Variants in PRSS3 observed in about 807,000 individuals in gnomAD.
The protein encoded by PRSS3 is trypsin-3.
Under a neutral mutation model 20.8 loss-of-function variants are expected in PRSS3, and 14 were observed. The observed-to-expected ratio is 0.67, with a 90% CI of 0.44 to 1.05. The LOEUF (loss-of-function observed/expected upper bound fraction) is 1.05. PRSS3 is among the 50% of genes least tolerant of loss of function. The pLI, the probability that PRSS3 is intolerant of heterozygous loss-of-function variation, is 0.00. For missense variants in PRSS3, 237 were observed against 306.4 expected, an observed-to-expected ratio of 0.77 and a Z score of 1.69; for synonymous variants, 91 against 117.6, an observed-to-expected ratio of 0.77 and a Z score of 1.46.
In PRSS3 at chr9:33,798,640, C is replaced by T; in HGVS notation, c.591+18C>T. ...CCTGCCAGGTGATTTGACCCTTTCC[C>T]ATGCTGAGGCTCCCACCGATACCCA... On this transcript the variant is annotated intron_variant, in intron 4 of 4. Transcript: ENST00000379405. The T allele has an allele frequency of 6.2e-7, 1 of 1,613,174 alleles. No individual in the cohort carries two copies. The highest frequency in any genetic ancestry group is 8.5e-7 in the Non-Finnish European group (1 of 1,179,746).
At chr9:33,794,650 A>G (rs1321050861), upstream of PRSS3, 18 of 1,403,088 alleles carry the variant, frequency 1.3e-5, no homozygotes, top group Non-Finnish European at 1.5e-5. Context: ...CAGATTTACC[A>G]TGGTCCAAAC....
At chr9:33,790,184 T>C (rs1362247527) in intron 1 of PRSS3, among the ~76,000 whole-genome samples, 5 of 152,230 alleles carry the variant, frequency 3.3e-5, no homozygotes, top group Admixed American at 3.3e-4. Flanking sequence ...TGTGGTATTA[T>C]AAAATATGCA....
intron 4 of PRSS3, 191 bp from the exon 5 acceptor site, chr9:33,798,837 C>G: frequency 2.9e-6 from 3 of 1,043,150 alleles, no homozygotes; most frequent in Admixed American, 2.4e-5. Flanking sequence ...TGCAGTGCCC[C>G]CATTGGGAAA....
At chr9:33,795,660 CA>C in intron 1 of PRSS3, 47 bp downstream of exon 1, 1 of 1,598,332 alleles carries the variant, frequency 6.3e-7, no homozygotes, top group Non-Finnish European at 8.6e-7. Context: ...CCTTTCCTGG[CA>C]GACACATGCC....
intron 2 of PRSS3, 123 bp downstream of exon 2, chr9:33,796,925 G>C: frequency 6.7e-7 from 1 of 1,500,276 alleles, no homozygotes; most frequent in South Asian, 1.2e-5. Flanking sequence ...AAGAAAACTT[G>C]TTGACAGCAG....
chr9:33,774,503 T>A (rs1158862438), intron 1 of PRSS3, among the ~76,000 whole-genome samples: 1 of 152,156 alleles, frequency 6.6e-6, no homozygotes, highest in East Asian at 1.9e-4. Context: ...GCACTGCTTT[T>A]GAGAAAAATG....
intron 1 of PRSS3, among the ~76,000 whole-genome samples, chr9:33,789,794 C>A (rs1489265138): frequency 6.6e-6 from 1 of 152,182 alleles, no homozygotes; most frequent in Non-Finnish European, 1.5e-5. Flanking sequence ...TCTTTAAAAG[C>A]AGTAAAGCAC....
At chr9:33,754,142 G>A (rs1189236075) in intron 1 of PRSS3, among the ~76,000 whole-genome samples, 1 of 151,482 alleles carries the variant, frequency 6.6e-6, no homozygotes, top group Non-Finnish European at 1.5e-5. Flanking sequence ...CACAATCTCA[G>A]CTCACTGCAA....
intron 1 of PRSS3, among the ~76,000 whole-genome samples, chr9:33,767,450 G>A (rs1483947289): frequency 6.6e-6 from 1 of 152,196 alleles, no homozygotes; most frequent in Non-Finnish European, 1.5e-5. Context: ...GCCTGTGTTT[G>A]GAGACAGGGT....
chr9:33,795,693 C>A, intron 1 of PRSS3, 80 bp downstream of exon 1: 1 of 1,495,628 alleles, frequency 6.7e-7, no homozygotes, highest in Non-Finnish European at 9.3e-7. Flanking sequence ...GCCACCTCTC[C>A]TCTTTTGACT....
At chr9:33,768,792 G>A (rs1823558799) in intron 1 of PRSS3, among the ~76,000 whole-genome samples, 1 of 152,202 alleles carries the variant, frequency 6.6e-6, no homozygotes, top group East Asian at 1.9e-4. Context: ...GGGGGCAGAG[G>A]TTGCAGTGAG....
intron 1 of PRSS3, among the ~76,000 whole-genome samples, chr9:33,779,162 T>C (rs537841309): frequency 6.6e-6 from 1 of 152,128 alleles, no homozygotes; most frequent in Non-Finnish European, 1.5e-5. Context: ...ACAAGAACTC[T>C]GGCAATTCAA....
At chr9:33,768,072 T>C (rs149755166) in intron 1 of PRSS3, among the ~76,000 whole-genome samples, 1 of 152,120 alleles carries the variant, frequency 6.6e-6, no homozygotes, top group East Asian at 1.9e-4. Flanking sequence ...TACCAAGAAA[T>C]AGGGTGCTGG....
At chr9:33,767,597 G>A (rs1036320974) in intron 1 of PRSS3, among the ~76,000 whole-genome samples, 1 of 152,178 alleles carries the variant, frequency 6.6e-6, no homozygotes, top group African/African-American at 2.4e-5. Context: ...GCCAAGGCGG[G>A]TGGATCACCT....
In PRSS3 at chr9:33,799,117, A is replaced by G. The variant is rs759114591; in HGVS notation, c.681A>G (p.Gly227=). 6.2e-7 allele frequency: 1 copy of G among 1,613,714 alleles called. No individual in the cohort carries two copies. The highest frequency in any genetic ancestry group is 8.5e-7 in the Non-Finnish European group (1 of 1,179,954). ...GHGCAWKNRP[G]VYTKVYNYVD... ...GCTGTGCCTGGAAGAACAGGCCTGG[A>G]GTCTACACCAAGGTCTACAACTATG... The change falls in exon 5 of 5, where the codon GGA becomes GGG. Residue 227 remains glycine, a synonymous_variant. Coordinates refer to ENST00000379405, the MANE Select transcript of PRSS3 (RefSeq NM_002771.4).
At chr9:33,784,166 G>A (rs1164331312) in intron 1 of PRSS3, among the ~76,000 whole-genome samples, 1 of 151,978 alleles carries the variant, frequency 6.6e-6, no homozygotes, top group Non-Finnish European at 1.5e-5. Flanking sequence ...GTAAAGAGAG[G>A]GGAATATGTT....
intron 1 of PRSS3, among the ~76,000 whole-genome samples, chr9:33,789,406 T>C (rs1302058000): frequency 6.6e-6 from 1 of 152,204 alleles, no homozygotes; most frequent in Non-Finnish European, 1.5e-5. Context: ...TCAGCGACCA[T>C]GAATATTCAG....
chr9:33,776,356 A>C (rs1823932308), intron 1 of PRSS3, among the ~76,000 whole-genome samples: 2 of 152,242 alleles, frequency 1.3e-5, no homozygotes, highest in South Asian at 4.1e-4. Flanking sequence ...AGAAAAAAAT[A>C]TTGATGAAAA....
At chr9:33,776,361 T>C (rs988573691) in intron 1 of PRSS3, among the ~76,000 whole-genome samples, 1 of 152,118 alleles carries the variant, frequency 6.6e-6, no homozygotes, top group African/African-American at 2.4e-5. Flanking sequence ...AAAATATTGA[T>C]GAAAAATATT....
Sources: gnomAD v4.1 joint callset for allele counts (sites outside exome capture counted in the v4.1 genomes callset) on GRCh38, gnomAD v4.1.1 for gene constraint, MANE v1.5 for transcripts, NCBI Gene and HGNC (gene_info 2026-07-23, HGNC 2026-07-21) for gene names.